MGAT1: variants seen among roughly 807,000 people sequenced by gnomAD.
The protein encoded by MGAT1 is alpha-1,3-mannosyl-glycoprotein 2-beta-N-acetylglucosaminyltransferase.
A neutral mutation model predicts 31.7 loss-of-function variants in MGAT1; 14 were observed. The ratio of observed to expected loss-of-function variants is 0.44; its 90% CI spans 0.29 to 0.69. The LOEUF is 0.69. Among genes scored for constraint, MGAT1 ranks in the 30% least tolerant of loss-of-function variants. The pLI, the probability that MGAT1 is intolerant of heterozygous loss-of-function variation, is 0.12. For synonymous variants in MGAT1, 338 were observed against 276.0 expected (o/e 1.22, Z -2.23); for missense variants, 557 against 626.0 (o/e 0.89, Z 1.18).
intron 1 of MGAT1, among the ~76,000 whole-genome samples, chr5:180,797,540 CT>C (rs1490146484): frequency 6.6e-6 from 1 of 151,986 alleles, no homozygotes; most frequent in African/African-American, 2.4e-5. Context: ...CTTTAGATGC[CT>C]TTTTACTCTT....
chr5:180,801,800 A>G (rs1220778947), intron 1 of MGAT1, among the ~76,000 whole-genome samples: 2 of 152,200 alleles, frequency 1.3e-5, no homozygotes, highest in African/African-American at 4.8e-5. Flanking sequence ...CCCGAACAGT[A>G]ATGAGTTTCC....
At chr5:180,801,044 A>C (rs922372976) in intron 1 of MGAT1, among the ~76,000 whole-genome samples, 1 of 152,182 alleles carries the variant, frequency 6.6e-6, no homozygotes, top group Non-Finnish European at 1.5e-5. Context: ...TTCAGTACAA[A>C]ACCCTTCAGC....
chr5:180,791,338 G>A lies in MGAT1; in HGVS notation c.*296C>T, dbSNP rs571615150. The A allele has an allele frequency of 1.6e-5, 8 of 485,422 alleles. No homozygotes were observed. The East Asian group carries it at 2.5e-4, about 15-fold the overall frequency. 30.1% of individuals were successfully genotyped at this position (485,422 alleles called of 1,614,324 possible). On this transcript the variant is annotated 3_prime_UTR_variant, in exon 2 of 2. Coordinates refer to ENST00000307826, the MANE Select transcript of MGAT1 (RefSeq NM_002406.4). ...CAAACTCTCTGCACATGCTCCAGGA[G>A]AAAGCTCAGGACGTGGACATTTCTG... is the stretch of plus-strand genomic sequence containing the variant.
rs1176147746 is a variant in MGAT1 at position 180,791,610 on chromosome 5, G to C, written c.*24C>G. 1 of 1,607,006 alleles carries C rather than the reference G, an allele frequency of 6.2e-7. No individual in the cohort carries two copies. Among genetic ancestry groups the C allele is most frequent in the South Asian group, 1.1e-5 (1 of 90,336 alleles). ...CCTCAGCTCATGATGTGGCAAGGAG[G>C]GGCCCAGGAAGGACAGGCAGGTGCT... On this transcript the variant is annotated 3_prime_UTR_variant, in exon 2 of 2. Coordinates refer to ENST00000307826, the MANE Select transcript of MGAT1 (RefSeq NM_002406.4).
rs939411102 is a variant in MGAT1, at chr5:180,792,536, C to T, written c.436G>A (p.Glu146Lys). ...PIIVSQDCGH[E>K]ETAQAIASYG... Reference sequence around the variant, plus strand: ...GAGGCGATGGCCTGGGCCGTCTCCTCGTGCCCGCAGTCCTGGCTAACGATG... The same window carrying T: ...GAGGCGATGGCCTGGGCCGTCTCCTTGTGCCCGCAGTCCTGGCTAACGATG... The change falls in exon 2 of 2, where the codon GAG becomes AAG. Residue 146 changes from glutamate (E) to lysine (K), a missense_variant. By Grantham distance (56) the Glu-to-Lys change is moderately conservative. Around this residue, in one of 3 missense-constraint regions of MGAT1, gnomAD observed 245 missense variants for 332.9 expected, o/e 0.74. Coordinates refer to ENST00000307826, the MANE Select transcript of MGAT1 (RefSeq NM_002406.4). The T allele has an allele frequency of 1.9e-6, 3 of 1,612,822 alleles. No individual in the cohort carries two copies. Among genetic ancestry groups the T allele is most frequent in the African/African-American group, 1.3e-5 (1 of 74,924 alleles).
chr5:180,795,249 T>G (rs1009267338), intron 1 of MGAT1, among the ~76,000 whole-genome samples: 1 of 151,624 alleles, frequency 6.6e-6, no homozygotes, highest in Non-Finnish European at 1.5e-5. Flanking sequence ...ATATGTTTAT[T>G]ATCTTGATTG....
At position 180,786,453 on chromosome 5, in the gene MGAT1, A is replaced by T. The variant is rs1767574001; in HGVS notation, c.*5181T>A. The T allele has an allele frequency of 6.6e-6, 1 of 152,198 alleles. No homozygotes were observed. Among genetic ancestry groups the T allele is most frequent in the Non-Finnish European group, 1.5e-5 (1 of 68,072 alleles). 9.4% of individuals were successfully genotyped at this position (152,198 alleles called of 1,614,324 possible). A position where few individuals can be genotyped will look rare whatever the true frequency, so the allele number is the denominator to read the frequency against. Reference sequence around the variant, plus strand: ...GGCCGTGGTCCCTGTAGTCGCCCATACAATCACTCCCTTCTTAGTAACAGG... The same window carrying T: ...GGCCGTGGTCCCTGTAGTCGCCCATTCAATCACTCCCTTCTTAGTAACAGG... On this transcript the variant is annotated 3_prime_UTR_variant, in exon 2 of 2. Coordinates refer to ENST00000307826, the MANE Select transcript of MGAT1 (RefSeq NM_002406.4).
chr5:180,795,952 T>C (rs1769273240), intron 1 of MGAT1: 3 of 152,602 alleles, frequency 2.0e-5, no homozygotes, highest in African/African-American at 7.2e-5. Flanking sequence ...CCAGACCACA[T>C]TACTTGAAAG....
intron 2 of MGAT1, among the ~76,000 whole-genome samples, chr5:180,807,842 G>A (rs1772053955): frequency 6.6e-6 from 1 of 152,226 alleles, no homozygotes; most frequent in Admixed American, 6.5e-5. Flanking sequence ...GCTGTTGCCA[G>A]CACACTATTT....
chr5:180,796,491 G>A (rs569702124), intron 1 of MGAT1, among the ~76,000 whole-genome samples: 1 of 152,300 alleles, frequency 6.6e-6, no homozygotes, highest in South Asian at 2.1e-4. Context: ...TTACTGCTGT[G>A]CCCAGCTGGG....
Position 180,791,333 on chromosome 5 carries a change from C to T in MGAT1, c.*301G>A, listed in dbSNP as rs2113190407. ...GTTGCCAAACTCTCTGCACATGCTC[C>T]AGGAGAAAGCTCAGGACGTGGACAT... On this transcript the variant is annotated 3_prime_UTR_variant, in exon 2 of 2. Transcript: ENST00000307826. 1 of 474,102 alleles carries T rather than the reference C, an allele frequency of 2.1e-6. No individual in the cohort carries two copies. The highest frequency in any genetic ancestry group is 3.7e-5 in the East Asian group (1 of 27,138). 29.4% of individuals were successfully genotyped at this position (474,102 alleles called of 1,614,324 possible). A position where few individuals can be genotyped will look rare whatever the true frequency, so the allele number is the denominator to read the frequency against.
In MGAT1 at chr5:180,791,424, T is replaced by C. The variant is rs1768059314; in HGVS notation, c.*210A>G. The C allele has an allele frequency of 1.5e-5, 10 of 656,778 alleles. No individual in the cohort carries two copies. Among genetic ancestry groups the C allele is most frequent in the Non-Finnish European group, 5.2e-6 (2 of 386,650 alleles). The allele number at this position is 656,778 out of a possible 1,614,324, so 40.7% of individuals were successfully genotyped here. On this transcript the variant is annotated 3_prime_UTR_variant, in exon 2 of 2. Coordinates refer to ENST00000307826, the MANE Select transcript of MGAT1 (RefSeq NM_002406.4). The stretch of plus-strand genomic sequence containing the variant: ...GTTTCCTGCTTAATACCCCGCAACA[T>C]ACCCTAGAATAGTTCCCCTGATCTG...
intron 1 of MGAT1, among the ~76,000 whole-genome samples, chr5:180,798,777 TA>T (rs1247406434): frequency 1.3e-5 from 2 of 152,224 alleles, no homozygotes; most frequent in African/African-American, 4.8e-5. Flanking sequence ...GCTACAGAAA[TA>T]AACATGGTGG....
At chr5:180,801,276 T>C (rs149855429) in intron 1 of MGAT1, among the ~76,000 whole-genome samples, 10 of 152,404 alleles carry the variant, frequency 6.6e-5, no homozygotes, top group African/African-American at 1.9e-4. Context: ...CGAGAAGTTA[T>C]ATTTAGCTGT....
At chr5:180,804,084 C>T (rs1043745359), upstream of MGAT1, among the ~76,000 whole-genome samples, 3 of 152,226 alleles carry the variant, frequency 2.0e-5, no homozygotes, top group Non-Finnish European at 4.4e-5. Flanking sequence ...TGCGTGGAGG[C>T]GAGGACCTAA....
chr5:180,806,472 T>C (rs1029483409), upstream of MGAT1, among the ~76,000 whole-genome samples: 1 of 152,170 alleles, frequency 6.6e-6, no homozygotes, highest in African/African-American at 2.4e-5. Context: ...GGGAGAGGAA[T>C]GCTTGCTCAC....
In MGAT1 at chr5:180,792,732, C is replaced by T. The variant is rs1447106580; in HGVS notation, c.240G>A (p.Ser80=). Reference sequence around the variant, plus strand: ...CGGTGGGCACCCTCCCCCGCTGGCTCGACAGGGCATCCCCGATCTGCTGCA... The same window carrying T: ...CGGTGGGCACCCTCCCCCGCTGGCTTGACAGGGCATCCCCGATCTGCTGCA... The part of the protein sequence containing the change: ...GLLQQIGDAL[S]SQRGRVPTAA... The change falls in exon 2 of 2, where the codon TCG becomes TCA. Residue 80 remains serine, a synonymous_variant. Transcript: ENST00000307826. The T allele has an allele frequency of 4.5e-6, 7 of 1,547,370 alleles. No individual in the cohort carries two copies. The highest frequency in any genetic ancestry group is 3.9e-5 in the Admixed American group (2 of 50,892).
Position 180,791,619 on chromosome 5 carries a change from A to C in MGAT1, c.*15T>G. On this transcript the variant is annotated 3_prime_UTR_variant, in exon 2 of 2. Transcript: ENST00000307826. Reference sequence around the variant, plus strand: ...ATGATGTGGCAAGGAGGGGCCCAGGAAGGACAGGCAGGTGCTAATTCCAGC... The same window carrying C: ...ATGATGTGGCAAGGAGGGGCCCAGGCAGGACAGGCAGGTGCTAATTCCAGC... The C allele has an allele frequency of 6.2e-7, 1 of 1,610,422 alleles. No homozygotes were observed.
intron 1 of MGAT1, among the ~76,000 whole-genome samples, chr5:180,811,737 A>G (rs377630700): frequency 7.9e-5 from 12 of 151,828 alleles, no homozygotes; most frequent in East Asian, 7.8e-4. Context: ...CAAACTGCAC[A>G]GCGGCTCCTC....
Sources: gnomAD v4.1 joint callset for allele counts (sites outside exome capture counted in the v4.1 genomes callset) on GRCh38, gnomAD v4.1.1 for gene constraint, gnomAD v4.1.1 regional missense constraint, MANE v1.5 for transcripts, NCBI Gene and HGNC (gene_info 2026-07-23, HGNC 2026-07-21) for gene names.